DPP6: variants seen among roughly 807,000 people sequenced by gnomAD.
The protein encoded by DPP6 is A-type potassium channel modulatory protein DPP6.
DPP6 carries 69 observed loss-of-function variants against 122.6 expected under a neutral mutation model. The ratio of observed to expected loss-of-function variants is 0.56; its 90% CI spans 0.46 to 0.69. The LOEUF (loss-of-function observed/expected upper bound fraction) is 0.69. DPP6 is among the 30% of genes least tolerant of loss of function. The pLI, the probability that DPP6 is intolerant of heterozygous loss-of-function variation, is 0.00. For missense variants in DPP6, 928 were observed against 1,116.9 expected, an observed-to-expected ratio of 0.83 and a Z score of 2.41; for synonymous variants, 418 against 433.1, an observed-to-expected ratio of 0.97 and a Z score of 0.43.
At chr7:154,326,363 G>A (rs4236458) in intron 1 of DPP6, among the ~76,000 whole-genome samples, 71,481 of 151,872 alleles carry the variant, frequency 0.47, 18,365 homozygotes, top group East Asian at 0.7. Context: ...CGAGTCTTTT[G>A]TATTCTTAAG....
At chr7:154,617,753 T>G (rs907029229) in intron 5 of DPP6, among the ~76,000 whole-genome samples, 1 of 151,950 alleles carries the variant, frequency 6.6e-6, no homozygotes. Flanking sequence ...CCCAAGAAAA[T>G]AGCAAATCAT....
At chr7:154,485,039 G>A (rs1823664431) in intron 3 of DPP6, among the ~76,000 whole-genome samples, 1 of 152,030 alleles carries the variant, frequency 6.6e-6, no homozygotes, top group South Asian at 2.1e-4. Context: ...TATTTCCACT[G>A]CTTTTTGGAG....
intron 8 of DPP6, among the ~76,000 whole-genome samples, chr7:154,731,513 C>T (rs113339911): frequency 4.7e-4 from 71 of 152,320 alleles, no homozygotes; most frequent in Admixed American, 9.8e-4. Context: ...CTGAAGCAGT[C>T]GCCCACATGC....
intron 10 of DPP6, among the ~76,000 whole-genome samples, chr7:154,773,219 G>T (rs1348791923): frequency 6.6e-6 from 1 of 152,200 alleles, no homozygotes; most frequent in African/African-American, 2.4e-5. Flanking sequence ...CCCCAGGCCT[G>T]CCTCAGGGGG....
At chr7:154,463,208 T>A (rs1204869336) in intron 2 of DPP6, among the ~76,000 whole-genome samples, 1 of 92,580 alleles carries the variant, frequency 1.1e-5, no homozygotes, top group African/African-American at 4.0e-5. Flanking sequence ...TTTTTTTTTT[T>A]TTTTTTTTTT....
chr7:154,274,322 A>C (rs1803988577), intron 1 of DPP6, among the ~76,000 whole-genome samples: 1 of 152,200 alleles, frequency 6.6e-6, no homozygotes, highest in African/African-American at 2.4e-5. Context: ...TCATATCACT[A>C]TTCTTATCAT....
chr7:153,888,479 C>T (rs959916108), intron 1 of DPP6, among the ~76,000 whole-genome samples: 4 of 152,194 alleles, frequency 2.6e-5, no homozygotes, highest in Non-Finnish European at 4.4e-5. Flanking sequence ...CGCCTCGCCG[C>T]TCCCCGCTGA....
At chr7:154,190,660 G>A (rs1798574443) in intron 1 of DPP6, among the ~76,000 whole-genome samples, 1 of 151,988 alleles carries the variant, frequency 6.6e-6, no homozygotes, top group African/African-American at 2.4e-5. Flanking sequence ...GCTTGCTATT[G>A]ATTACGCAGA....
chr7:154,740,472 T>C (rs1842768377), intron 8 of DPP6, among the ~76,000 whole-genome samples: 1 of 152,202 alleles, frequency 6.6e-6, no homozygotes, highest in Non-Finnish European at 1.5e-5. Flanking sequence ...TAGACTTAGC[T>C]CTTTTGCTCA....
chr7:154,468,698 A>T (rs1323664812), intron 2 of DPP6, among the ~76,000 whole-genome samples: 1 of 152,250 alleles, frequency 6.6e-6, no homozygotes, highest in Admixed American at 6.5e-5. Flanking sequence ...GAAGCTTAAA[A>T]TAAAGCATAA....
At chr7:154,350,631 A>G (rs1810771629) in intron 1 of DPP6, among the ~76,000 whole-genome samples, 2 of 151,966 alleles carry the variant, frequency 1.3e-5, no homozygotes, top group Admixed American at 1.3e-4. Flanking sequence ...GTTCAGAGTG[A>G]GTTGGGTATC....
chr7:153,816,428 C>A, the DPP6 span, among the ~76,000 whole-genome samples: 1 of 152,084 alleles, frequency 6.6e-6, no homozygotes, highest in South Asian at 2.1e-4. Context: ...TTGTTGCTCT[C>A]CTATTTGTAA....
chr7:154,267,985 A>G (rs909841691), intron 1 of DPP6, among the ~76,000 whole-genome samples: 1 of 151,792 alleles, frequency 6.6e-6, no homozygotes. Context: ...GCGCACATAC[A>G]TATTTATGTG....
At chr7:153,920,974 G>C (rs1800611530) in intron 1 of DPP6, among the ~76,000 whole-genome samples, 1 of 152,190 alleles carries the variant, frequency 6.6e-6, no homozygotes, top group Non-Finnish European at 1.5e-5. Flanking sequence ...TTAAATAAGG[G>C]CATCTACCCA....
intron 16 of DPP6, among the ~76,000 whole-genome samples, chr7:154,825,098 C>T (rs748738215): frequency 1.3e-5 from 2 of 152,162 alleles, no homozygotes; most frequent in Non-Finnish European, 1.5e-5. Flanking sequence ...ACATCTGGTC[C>T]GCAGGTGACC....
intron 1 of DPP6, among the ~76,000 whole-genome samples, chr7:154,145,671 G>A (rs1170299309): frequency 8.0e-6 from 1 of 124,606 alleles, no homozygotes; most frequent in East Asian, 2.4e-4. Context: ...CTGGGGCATC[G>A]CAGACAGCGG....
chr7:154,330,063 G>A lies in DPP6; in HGVS notation c.244-116151G>A, dbSNP rs142362388. 6.9e-3 allele frequency among the ~76,000 whole-genome samples: 1,046 copies of A among 152,264 alleles called. 26 individuals are homozygous for A. Among genetic ancestry groups the A allele is most frequent in the East Asian group, 0.057 (295 of 5,166 alleles). On this transcript the variant is annotated intron_variant, in intron 1 of 25. Transcript: ENST00000377770. ...GAGGGGAAGGGGAGGGAGACCATTA[G>A]GACAAATACCTAATGCATGCAGGGC...
intron 1 of DPP6, among the ~76,000 whole-genome samples, chr7:153,956,228 C>T (rs1802456330): frequency 6.6e-6 from 1 of 152,092 alleles, no homozygotes; most frequent in African/African-American, 2.4e-5. Flanking sequence ...GTCCATGCTG[C>T]TCAGACCCCA....
chr7:154,258,643 A>G (rs1350569200), intron 1 of DPP6, among the ~76,000 whole-genome samples: 1 of 152,244 alleles, frequency 6.6e-6, no homozygotes, highest in Non-Finnish European at 1.5e-5. Flanking sequence ...GTAAACAATC[A>G]GTAAAATGTA....
Sources: gnomAD v4.1 joint callset for allele counts (sites outside exome capture counted in the v4.1 genomes callset) on GRCh38, gnomAD v4.1.1 for gene constraint, MANE v1.5 for transcripts, NCBI Gene and HGNC (gene_info 2026-07-23, HGNC 2026-07-21) for gene names.